CALD1: variants seen among roughly 807,000 people sequenced by gnomAD.
CALD1 encodes the protein caldesmon 1.
Under a neutral mutation model 99.9 loss-of-function variants are expected in CALD1, and 33 were observed. That is an observed-to-expected ratio of 0.33 (90% CI 0.25 to 0.44). The LOEUF is 0.44. CALD1 is among the 20% of genes least tolerant of loss of function. CALD1 has a pLI of 1.00. For missense variants in CALD1, 861 were observed against 962.1 expected (o/e 0.89, Z 1.39); for synonymous variants, 310 against 325.0 (o/e 0.95, Z 0.50).
At chr7:134,953,666 T>G (rs1026446767) in intron 9 of CALD1, among the ~76,000 whole-genome samples, 17 of 132,556 alleles carry the variant, frequency 1.3e-4, no homozygotes, top group African/African-American at 3.0e-4. Flanking sequence ...GTTTTTTTTT[T>G]TTGTTTTTTT....
chr7:134,949,156 T>C (rs1378826227), intron 8 of CALD1, among the ~76,000 whole-genome samples: 1 of 152,192 alleles, frequency 6.6e-6, no homozygotes, highest in Non-Finnish European at 1.5e-5. Context: ...ATTGCCATCA[T>C]TGTTATTATG....
the CALD1 span, among the ~76,000 whole-genome samples, chr7:134,723,365 C>T: frequency 5.3e-5 from 8 of 152,080 alleles, no homozygotes; most frequent in Non-Finnish European, 1.0e-4. Flanking sequence ...CAGAGCCCTA[C>T]CCTGGTCCTC....
intron 1 of CALD1, among the ~76,000 whole-genome samples, chr7:134,750,123 CAAACA>C (rs894650818): frequency 1.4e-5 from 2 of 144,066 alleles, no homozygotes; most frequent in Admixed American, 1.3e-4. Context: ...AACAAACAAA[CAAACA>C]AACAAACAAA....
chr7:134,836,456 A>T (rs893434719), intron 1 of CALD1, among the ~76,000 whole-genome samples: 3 of 152,238 alleles, frequency 2.0e-5, no homozygotes, highest in African/African-American at 7.2e-5. Context: ...TAATGATGAC[A>T]GTGGTAGTGG....
intron 3 of CALD1, among the ~76,000 whole-genome samples, chr7:134,923,917 A>C (rs373870919): frequency 1.3e-5 from 2 of 152,240 alleles, no homozygotes; most frequent in African/African-American, 4.8e-5. Context: ...CAAGTGATTA[A>C]AGTGAGTCTG....
intron 9 of CALD1, among the ~76,000 whole-genome samples, chr7:134,956,482 T>G (rs1476596896): frequency 6.6e-6 from 1 of 152,210 alleles, no homozygotes; most frequent in Non-Finnish European, 1.5e-5. Flanking sequence ...GAACCTTATT[T>G]GCTCCCTCTC....
chr7:134,826,666 C>T (rs975922139), intron 1 of CALD1, among the ~76,000 whole-genome samples: 1 of 152,148 alleles, frequency 6.6e-6, no homozygotes, highest in African/African-American at 2.4e-5. Context: ...ATTGTTGGTT[C>T]ATTGTTCCTA....
chr7:134,895,292 ATATG>A (rs1446359485), intron 3 of CALD1, among the ~76,000 whole-genome samples: 55 of 133,576 alleles, frequency 4.1e-4, no homozygotes, highest in Middle Eastern at 3.6e-3. Context: ...TTGGTTTTAT[ATATG>A]TATGTGTGTG....
At chr7:134,832,999 T>C (rs1799292190) in intron 1 of CALD1, among the ~76,000 whole-genome samples, 1 of 152,238 alleles carries the variant, frequency 6.6e-6, no homozygotes, top group African/African-American at 2.4e-5. Context: ...GTTTTAGAAC[T>C]TTTCCTTATG....
chr7:134,915,750 TA>T (rs1196404786), intron 3 of CALD1, among the ~76,000 whole-genome samples: 1 of 152,244 alleles, frequency 6.6e-6, no homozygotes, highest in East Asian at 1.9e-4. Flanking sequence ...CACATTTTTA[TA>T]GGGGTCTTCT....
At chr7:134,740,672 C>T (rs1348430144), upstream of CALD1, among the ~76,000 whole-genome samples, 2 of 152,192 alleles carry the variant, frequency 1.3e-5, no homozygotes, top group Non-Finnish European at 2.9e-5. Context: ...CAGTGACAAA[C>T]TAGAGACTAC....
chr7:134,722,645 C>G, the CALD1 span, among the ~76,000 whole-genome samples: 5 of 152,140 alleles, frequency 3.3e-5, no homozygotes, highest in African/African-American at 4.8e-5. Context: ...TGGTCTCGAA[C>G]TCCTGACCTC....
intron 3 of CALD1, among the ~76,000 whole-genome samples, chr7:134,913,498 T>A (rs1803974961): frequency 6.6e-6 from 1 of 152,260 alleles, no homozygotes; most frequent in South Asian, 2.1e-4. Context: ...TGTTTTGTAA[T>A]GTCTACAAAC....
chr7:134,891,586 T>C, intron 3 of CALD1: 10 of 1,595,544 alleles, frequency 6.3e-6, no homozygotes, highest in Non-Finnish European at 8.5e-6. Flanking sequence ...GGTCTCCGTA[T>C]CTCTCTGCCC....
chr7:134,837,258 G>T (rs985619858), intron 1 of CALD1, among the ~76,000 whole-genome samples: 1 of 151,830 alleles, frequency 6.6e-6, no homozygotes, highest in Non-Finnish European at 1.5e-5. Flanking sequence ...ATTAAACGAG[G>T]GTCAATGGCA....
chr7:134,836,628 A>G (rs1023707832), intron 1 of CALD1, among the ~76,000 whole-genome samples: 3 of 152,122 alleles, frequency 2.0e-5, no homozygotes, highest in Non-Finnish European at 2.9e-5. Flanking sequence ...AGAAAGATAC[A>G]TTTTTCTCAG....
chr7:134,920,388 G>A (rs1167023293), intron 3 of CALD1: 1 of 432,982 alleles, frequency 2.3e-6, no homozygotes, highest in Non-Finnish European at 3.1e-6. Flanking sequence ...TTTTAAGTTG[G>A]ATCCCAAATT....
intron 1 of CALD1, among the ~76,000 whole-genome samples, chr7:134,784,756 G>T (rs1017473553): frequency 2.0e-5 from 3 of 152,176 alleles, no homozygotes; most frequent in Non-Finnish European, 4.4e-5. Context: ...AGGGCCCAAA[G>T]AGAGTAGAGT....
In CALD1 at chr7:134,968,621, T is replaced by C. The variant is rs1174962325; in HGVS notation, c.*276T>C. 12 of 659,330 alleles carry C rather than the reference T, an allele frequency of 1.8e-5. No homozygotes were observed. The East Asian group carries it at 3.3e-4, about 18-fold the overall frequency. 40.8% of individuals were successfully genotyped at this position (659,330 alleles called of 1,614,324 possible). A position where few individuals can be genotyped will look rare whatever the true frequency, so the allele number is the denominator to read the frequency against. ...TTCTACTGATCATCATAACTCTGTA[T>C]CTGAGCAGTGATACCAACCACATCT... On this transcript the variant is annotated 3_prime_UTR_variant, in exon 15 of 15. Transcript: ENST00000361675.
Sources: allele counts gnomAD v4.1 joint callset (sites outside exome capture counted in the v4.1 genomes callset), GRCh38; gene constraint gnomAD v4.1.1; transcripts MANE v1.5; gene names NCBI Gene and HGNC (gene_info 2026-07-23, HGNC 2026-07-21).